ANO10: variants seen among roughly 807,000 people sequenced by gnomAD.
The protein encoded by ANO10 is anoctamin-10.
A neutral mutation model predicts 74.7 loss-of-function variants in ANO10; 77 were observed. The ratio of observed to expected loss-of-function variants is 1.03; its 90% CI spans 0.86 to 1.25. ANO10 has a LOEUF of 1.25. Among genes scored for constraint, ANO10 ranks in the 50% most tolerant of loss-of-function variants. The pLI, the probability that ANO10 is intolerant of heterozygous loss-of-function variation, is 0.00. For synonymous variants in ANO10, 279 were observed against 284.9 expected, an observed-to-expected ratio of 0.98 and a Z score of 0.21; for missense variants, 721 against 778.1, an observed-to-expected ratio of 0.93 and a Z score of 0.87.
At chr3:43,481,511 G>A (rs2076267966) in intron 11 of ANO10, among the ~76,000 whole-genome samples, 1 of 152,124 alleles carries the variant, frequency 6.6e-6, no homozygotes, top group South Asian at 2.1e-4. Context: ...ATGGGACATG[G>A]GGGGTTGAAC....
At chr3:43,445,758 G>C (rs1478248487) in intron 11 of ANO10, among the ~76,000 whole-genome samples, 1 of 151,868 alleles carries the variant, frequency 6.6e-6, no homozygotes, top group East Asian at 1.9e-4. Flanking sequence ...GCTGTGTAGT[G>C]GCACTATCTC....
chr3:43,391,890 G>A (rs1436871298), intron 12 of ANO10, among the ~76,000 whole-genome samples: 1 of 151,858 alleles, frequency 6.6e-6, no homozygotes, highest in Non-Finnish European at 1.5e-5. Flanking sequence ...GAAACTGTGA[G>A]AGAGCAAATG....
intron 7 of ANO10, among the ~76,000 whole-genome samples, chr3:43,574,366 G>A (rs987834486): frequency 5.9e-5 from 9 of 151,380 alleles, no homozygotes; most frequent in Non-Finnish European, 1.3e-4. Flanking sequence ...CACCTCCTGA[G>A]TTCAAGCGAT....
intron 11 of ANO10, among the ~76,000 whole-genome samples, chr3:43,438,438 G>A (rs965961390): frequency 2.0e-5 from 3 of 150,882 alleles, no homozygotes; most frequent in Non-Finnish European, 2.9e-5. Flanking sequence ...GCAGGGCCTT[G>A]TCTGTATTAA....
At chr3:43,587,621 G>A (rs185844174) in intron 4 of ANO10, among the ~76,000 whole-genome samples, 99 of 152,292 alleles carry the variant, frequency 6.5e-4, no homozygotes, top group African/African-American at 2.3e-3. Context: ...AATGCAAAGG[G>A]AAGTGTCTAG....
intron 11 of ANO10, among the ~76,000 whole-genome samples, chr3:43,498,304 T>C (rs1341610859): frequency 2.0e-5 from 3 of 152,180 alleles, no homozygotes; most frequent in African/African-American, 2.4e-5. Flanking sequence ...TGGATATTTC[T>C]AATGCCTCCC....
chr3:43,390,545 C>T (rs1357565160), intron 12 of ANO10, among the ~76,000 whole-genome samples: 1 of 152,220 alleles, frequency 6.6e-6, no homozygotes, highest in Non-Finnish European at 1.5e-5. Flanking sequence ...CTTAGCCCGC[C>T]ACAGGTGCTC....
chr3:43,661,387 C>A (rs1008428866), intron 1 of ANO10, among the ~76,000 whole-genome samples: 2 of 151,892 alleles, frequency 1.3e-5, no homozygotes, highest in African/African-American at 4.9e-5. Context: ...GCCTGCCTTA[C>A]AAGAGCTCCT....
At chr3:43,664,851 T>G (rs1403169505) in intron 1 of ANO10, among the ~76,000 whole-genome samples, 1 of 152,154 alleles carries the variant, frequency 6.6e-6, no homozygotes, top group Non-Finnish European at 1.5e-5. Context: ...CCAGTTAGAA[T>G]GGCGATCATT....
intron 1 of ANO10, among the ~76,000 whole-genome samples, chr3:43,685,531 A>G (rs2084264229): frequency 6.6e-6 from 1 of 152,200 alleles, no homozygotes; most frequent in South Asian, 2.1e-4. Context: ...GCACATGAGA[A>G]AGGTCAGACC....
intron 12 of ANO10, among the ~76,000 whole-genome samples, chr3:43,415,545 C>CTTTTTTCT: frequency 6.8e-6 from 1 of 147,246 alleles, no homozygotes; most frequent in Non-Finnish European, 1.5e-5. Context: ...TTCTTTCTTT[C>CTTTTTTCT]TTTTTTTTTT....
At chr3:43,678,265 G>A (rs918630736) in intron 1 of ANO10, among the ~76,000 whole-genome samples, 4 of 152,124 alleles carry the variant, frequency 2.6e-5, no homozygotes, top group East Asian at 3.9e-4. Context: ...ATGGGCATTC[G>A]AACGGTTTCT....
At chr3:43,379,377 A>G (rs1220029019) in intron 12 of ANO10, among the ~76,000 whole-genome samples, 1 of 151,062 alleles carries the variant, frequency 6.6e-6, no homozygotes, top group Non-Finnish European at 1.5e-5. Context: ...TGAGCCCTGA[A>G]CCTGAAAATG....
intron 1 of ANO10, among the ~76,000 whole-genome samples, chr3:43,647,480 G>A (rs920451458): frequency 6.6e-6 from 1 of 151,932 alleles, no homozygotes; most frequent in African/African-American, 2.4e-5. Flanking sequence ...GGCCCTCAAC[G>A]GCTTGGGTGA....
intron 11 of ANO10, among the ~76,000 whole-genome samples, chr3:43,538,512 T>C (rs2078815262): frequency 6.6e-6 from 1 of 152,220 alleles, no homozygotes; most frequent in Non-Finnish European, 1.5e-5. Context: ...GAACAGGTTT[T>C]TTTAACAACA....
chr3:43,393,639 A>T (rs533634748), intron 12 of ANO10, among the ~76,000 whole-genome samples: 12 of 152,156 alleles, frequency 7.9e-5, no homozygotes, highest in Admixed American at 2.0e-4. Flanking sequence ...CTCCAGCCAC[A>T]CTGGTCTCCA....
At chr3:43,509,214 G>C (rs963982341) in intron 11 of ANO10, among the ~76,000 whole-genome samples, 3 of 151,854 alleles carry the variant, frequency 2.0e-5, no homozygotes, top group Non-Finnish European at 2.9e-5. Flanking sequence ...AACGGGGCCT[G>C]TTGTGGGGTG....
chr3:43,663,241 T>C (rs7653472), intron 1 of ANO10, among the ~76,000 whole-genome samples: 15,927 of 152,086 alleles, frequency 0.1, 1,172 homozygotes, highest in South Asian at 0.23. Context: ...GTTCAACATA[T>C]GCAAATCAAT....
At chr3:43,672,261 C>T (rs570627082) in intron 1 of ANO10, among the ~76,000 whole-genome samples, 5 of 152,252 alleles carry the variant, frequency 3.3e-5, no homozygotes, top group African/African-American at 7.2e-5. Context: ...TGGTGGTTCA[C>T]GCCTGTAATC....
Sources: allele counts gnomAD v4.1 joint callset (sites outside exome capture counted in the v4.1 genomes callset), GRCh38; gene constraint gnomAD v4.1.1; transcripts MANE v1.5; gene names NCBI Gene and HGNC (gene_info 2026-07-23, HGNC 2026-07-21).